MEOX2: variants seen among roughly 807,000 people sequenced by gnomAD.
The protein encoded by MEOX2 is homeobox protein MOX-2.
A neutral mutation model predicts 27.0 loss-of-function variants in MEOX2; 11 were observed. The ratio of observed to expected loss-of-function variants is 0.41; its 90% CI spans 0.26 to 0.68. The LOEUF (loss-of-function observed/expected upper bound fraction) is 0.68. Ranked by LOEUF, MEOX2 falls within the 30% of genes least tolerant of loss-of-function variation. The pLI, the probability that MEOX2 is intolerant of heterozygous loss-of-function variation, is 0.33. For synonymous variants in MEOX2, 189 were observed against 155.4 expected (o/e 1.22, Z -1.61); for missense variants, 436 against 385.4 (o/e 1.13, Z -1.10).
At chr7:15,668,696 G>C (rs992653671) in intron 1 of MEOX2, among the ~76,000 whole-genome samples, 3 of 151,906 alleles carry the variant, frequency 2.0e-5, no homozygotes, top group Admixed American at 1.3e-4. Flanking sequence ...GGCTCGTCTC[G>C]AACTCCTGAT....
chr7:15,667,621 C>A (rs1325249282), intron 1 of MEOX2, among the ~76,000 whole-genome samples: 1 of 151,966 alleles, frequency 6.6e-6, no homozygotes, highest in African/African-American at 2.4e-5. Context: ...TGTTGGGGGA[C>A]CTAGGGGAGG....
intron 1 of MEOX2, among the ~76,000 whole-genome samples, chr7:15,653,329 AT>A (rs901129718): frequency 3.7e-4 from 56 of 151,860 alleles, no homozygotes; most frequent in African/African-American, 1.3e-3. Context: ...TTCGTATTTG[AT>A]TTTTTTATTG....
chr7:15,645,549 T>G (rs527993652), intron 1 of MEOX2, among the ~76,000 whole-genome samples: 1 of 152,308 alleles, frequency 6.6e-6, no homozygotes, highest in Non-Finnish European at 1.5e-5. Flanking sequence ...TTATTGAAAA[T>G]ATTTCTACAT....
At position 15,686,228 on chromosome 7, in the gene MEOX2, T is replaced by G. The variant is rs146346021; in HGVS notation, c.175A>C (p.Met59Leu). Reference sequence around the variant, plus strand: ...CCCCTGTGATGCTGGCTGGCAAACATGCCCTCTTCGTTGGGGTATCCCGCG... The same window carrying G: ...CCCCTGTGATGCTGGCTGGCAAACAGGCCCTCTTCGTTGGGGTATCCCGCG... The part of the protein sequence containing the change: ...IIAGYPNEEG[M>L]FASQHHRGHH... Residue 59 changes from methionine (M) to leucine (L), a missense_variant, in exon 1 of 3, where the codon ATG becomes CTG. By Grantham distance (15) the Met-to-Leu change is conservative (BLOSUM62 2). Coordinates refer to ENST00000262041, the MANE Select transcript of MEOX2 (RefSeq NM_005924.5). The G allele has an allele frequency of 3.5e-5, 57 of 1,611,948 alleles. No individual in the cohort carries two copies. The African/African-American group carries it at 7.6e-4, about 22-fold the overall frequency.
intron 1 of MEOX2, among the ~76,000 whole-genome samples, chr7:15,636,882 C>T (rs1419885061): frequency 1.3e-5 from 2 of 151,996 alleles, no homozygotes; most frequent in Non-Finnish European, 2.9e-5. Flanking sequence ...TGATCCCATT[C>T]ATATAAGCCC....
chr7:15,633,022 T>C (rs75300712), intron 1 of MEOX2, among the ~76,000 whole-genome samples: 64 of 152,066 alleles, frequency 4.2e-4, no homozygotes, highest in African/African-American at 1.5e-3. Flanking sequence ...TCCCTGATTA[T>C]ATTAGTTTAA....
At chr7:15,644,421 G>T (rs1252543195) in intron 1 of MEOX2, among the ~76,000 whole-genome samples, 3 of 152,074 alleles carry the variant, frequency 2.0e-5, no homozygotes, top group Non-Finnish European at 4.4e-5. Flanking sequence ...CAAAATATTT[G>T]TTCAAAGTGT....
At chr7:15,639,699 G>A (rs1007884262) in intron 1 of MEOX2, among the ~76,000 whole-genome samples, 8 of 151,984 alleles carry the variant, frequency 5.3e-5, no homozygotes, top group South Asian at 4.2e-4. Flanking sequence ...CAGTTTTCCC[G>A]GAACCATTTA....
intron 1 of MEOX2, among the ~76,000 whole-genome samples, chr7:15,682,475 T>C (rs994079210): frequency 6.6e-6 from 1 of 152,054 alleles, no homozygotes; most frequent in African/African-American, 2.4e-5. Flanking sequence ...ATAAAATATT[T>C]GTAATTTTAC....
intron 1 of MEOX2, among the ~76,000 whole-genome samples, chr7:15,644,168 C>T (rs978943752): frequency 2.0e-5 from 3 of 152,174 alleles, no homozygotes; most frequent in East Asian, 1.9e-4. Flanking sequence ...GGGCCTTGGG[C>T]GATGAGCACT....
At chr7:15,683,268 AT>A (rs774816213) in intron 1 of MEOX2, among the ~76,000 whole-genome samples, 11 of 152,018 alleles carry the variant, frequency 7.2e-5, no homozygotes, top group Non-Finnish European at 1.5e-4. Flanking sequence ...GGGATACAGA[AT>A]TTTGGTCCTG....
intron 1 of MEOX2, among the ~76,000 whole-genome samples, chr7:15,685,092 C>T (rs908564750): frequency 6.6e-6 from 1 of 152,232 alleles, no homozygotes; most frequent in Non-Finnish European, 1.5e-5. Context: ...TGTTGCTTCG[C>T]AGTATTTGTC....
chr7:15,622,198 G>A (rs1278653219), intron 2 of MEOX2, among the ~76,000 whole-genome samples: 1 of 152,164 alleles, frequency 6.6e-6, no homozygotes, highest in Non-Finnish European at 1.5e-5. Context: ...TCTTTCTTTT[G>A]ATGTAGATAG....
chr7:15,650,882 C>T (rs1040148777), intron 1 of MEOX2, among the ~76,000 whole-genome samples: 13 of 152,004 alleles, frequency 8.6e-5, no homozygotes, highest in Non-Finnish European at 1.2e-4. Context: ...TTAAAAGGGA[C>T]TCCCAGAGAA....
rs1782298179 is a variant in MEOX2 at position 15,681,958 on chromosome 7, C to T, written c.517+3928G>A. 3.3e-5 allele frequency: 5 copies of T among 151,688 alleles called. No homozygotes were observed. In the South Asian group the frequency reaches 1.0e-3, roughly 32 times the overall value. The allele number at this position is 151,688 out of a possible 1,614,324, so 9.4% of individuals were successfully genotyped here. ...CCTTCCATTCATTGCTAATGTTCAA[C>T]AATAAAGCATTTTAATTCTAAAGGA... On this transcript the variant is annotated intron_variant, in intron 1 of 2. Coordinates refer to ENST00000262041, the MANE Select transcript of MEOX2 (RefSeq NM_005924.5).
At chr7:15,614,218 ATAAAATAAAATAAAATAAAAT>A (rs1461003746) in intron 2 of MEOX2, among the ~76,000 whole-genome samples, 1 of 15,182 alleles carries the variant, frequency 6.6e-5, no homozygotes, top group Non-Finnish European at 1.4e-4. Context: ...ATAAAATAAA[ATAAAATAAAATAAAATAAAAT>A]AAAATAAAAT....
At chr7:15,647,346 T>C (rs1055364027) in intron 1 of MEOX2, among the ~76,000 whole-genome samples, 1 of 151,994 alleles carries the variant, frequency 6.6e-6, no homozygotes, top group East Asian at 1.9e-4. Context: ...CTCAGAGAGG[T>C]TCCCATGCTT....
Position 15,650,397 on chromosome 7 carries a change from G to C in MEOX2, c.518-23479C>G, listed in dbSNP as rs552593579. Among the ~76,000 whole-genome samples, 10 of 152,140 alleles carry C rather than the reference G, an allele frequency of 6.6e-5. 1 individual carries two copies. In the South Asian group the frequency reaches 2.1e-3, roughly 32 times the overall value. ...CTAAGATTACTGCAATAATATCTTA[G>C]TGCAATTCACACTTAATTTTTTACC... On this transcript the variant is annotated intron_variant, in intron 1 of 2. Transcript: ENST00000262041.
At chr7:15,679,008 T>C (rs1275188842) in intron 1 of MEOX2, 2 of 152,196 alleles carry the variant, frequency 1.3e-5, no homozygotes, top group Admixed American at 6.6e-5. Flanking sequence ...TTTATAACTA[T>C]CATTGATTGC....
Sources: allele counts gnomAD v4.1 joint callset (sites outside exome capture counted in the v4.1 genomes callset), GRCh38; gene constraint gnomAD v4.1.1; transcripts MANE v1.5; gene names NCBI Gene and HGNC (gene_info 2026-07-23, HGNC 2026-07-21).